The following RNPS1 variants were observed in gnomAD, a reference collection of about 807,000 sequenced individuals.
RNPS1 encodes RNA binding protein with serine rich domain 1, also known as RNA-binding protein with serine-rich domain 1.
For synonymous variants in RNPS1, 147 were observed against 150.0 expected (o/e 0.98, Z 0.15); for missense variants, 300 against 427.6 (o/e 0.70, Z 2.63).
At chr16:2,263,812 A>G (rs1475601261) in intron 3 of RNPS1, 3 of 280,700 alleles carry the variant, frequency 1.1e-5, no homozygotes, top group East Asian at 1.9e-4. Flanking sequence ...CCTGGGCTCA[A>G]GCCATCCTCT....
chr16:2,261,828 T>A (rs769445277), intron 6 of RNPS1, among the ~76,000 whole-genome samples: 1 of 152,200 alleles, frequency 6.6e-6, no homozygotes, highest in African/African-American at 2.4e-5. Flanking sequence ...ACCCCAGCAC[T>A]CACAGCCATT....
chr16:2,261,780 A>T (rs2093604000), intron 6 of RNPS1, among the ~76,000 whole-genome samples: 1 of 152,176 alleles, frequency 6.6e-6, no homozygotes, highest in Non-Finnish European at 1.5e-5. Context: ...AACTCCCCAA[A>T]CTGCTGTGAT....
intron 6 of RNPS1, chr16:2,257,778 G>A (rs1445060498): frequency 6.6e-6 from 1 of 152,218 alleles, no homozygotes; most frequent in East Asian, 1.9e-4. Context: ...AAATATCAAG[G>A]AAACTTTCCT....
intron 1 of RNPS1, chr16:2,267,754 A>G (rs977883127): frequency 2.1e-4 from 273 of 1,317,440 alleles, no homozygotes; most frequent in Middle Eastern, 5.7e-4. Context: ...GAGGGCCCCA[A>G]GGGCGGAGGC....
At chr16:2,261,685 T>C (rs2093603655) in intron 6 of RNPS1, among the ~76,000 whole-genome samples, 1 of 152,188 alleles carries the variant, frequency 6.6e-6, no homozygotes, top group South Asian at 2.1e-4. Context: ...AAGTTTAGCT[T>C]AGGCCTTTCC....
chr16:2,262,909 G>C, intron 4 of RNPS1, 67 bp from the exon 5 acceptor site: 1 of 1,433,580 alleles, frequency 7.0e-7, no homozygotes, highest in South Asian at 1.2e-5. Context: ...CGCCTTTCGA[G>C]TAAGCTCTTA....
intron 7 of RNPS1, among the ~76,000 whole-genome samples, chr16:2,254,450 C>A (rs546961734): frequency 6.6e-6 from 1 of 152,146 alleles, no homozygotes; most frequent in East Asian, 1.9e-4. Flanking sequence ...CACGCCACCA[C>A]GCACAGCTAA....
At position 2,268,047 on chromosome 16, in the gene RNPS1, C is replaced by T. The variant is rs1304135947; in HGVS notation, c.-118+8G>A. Reference sequence around the variant, plus strand: ...ACACGGATGCAGTCGGATTCCGCCCCAACTTACATCTTCCCGCCGCCGCCA... The same window carrying T: ...ACACGGATGCAGTCGGATTCCGCCCTAACTTACATCTTCCCGCCGCCGCCA... On this transcript the variant is annotated splice_region_variant and intron_variant, in intron 1 of 7. Coordinates refer to ENST00000320225, the MANE Select transcript of RNPS1 (RefSeq NM_080594.4). 4.6e-6 allele frequency: 7 copies of T among 1,534,554 alleles called. No individual in the cohort carries two copies. The highest frequency in any genetic ancestry group is 3.9e-5 in the Admixed American group (2 of 51,002).
At chr16:2,267,351 C>A in intron 1 of RNPS1, 1 of 984,372 alleles carries the variant, frequency 1.0e-6, no homozygotes. Flanking sequence ...ACAGTTCATG[C>A]GGAATCAAGA....
chr16:2,263,301 G>T lies in RNPS1; in HGVS notation c.228-14C>A. 3 of 1,613,714 alleles carry T rather than the reference G, an allele frequency of 1.9e-6. No homozygotes were observed. The highest frequency in any genetic ancestry group is 2.5e-6 in the Non-Finnish European group (3 of 1,179,816). ...CTGGACCGAGACCTGAGGGCAAGAT[G>T]AGGGGTCACAACCACCACACACCAA... On this transcript the variant is annotated splice_polypyrimidine_tract_variant and intron_variant, in intron 3 of 7. Coordinates refer to ENST00000320225, the MANE Select transcript of RNPS1 (RefSeq NM_080594.4).
At chr16:2,263,675 T>C (rs866177649) in intron 3 of RNPS1, among the ~76,000 whole-genome samples, 3 of 152,138 alleles carry the variant, frequency 2.0e-5, no homozygotes, top group African/African-American at 4.8e-5. Flanking sequence ...TGCAGTGGCA[T>C]GATCTCCGCA....
rs2093575220 is a variant in RNPS1 at position 2,255,736 on chromosome 16, A to G, written c.677-10T>C. On this transcript the variant is annotated splice_polypyrimidine_tract_variant and intron_variant, in intron 6 of 7. Transcript: ENST00000320225. Reference sequence around the variant, plus strand: ...TGGCCATCAATTTGTCCTGTTGAAAAAGACAGCAAGTCATAAAATATCTAA... The same window carrying G: ...TGGCCATCAATTTGTCCTGTTGAAAGAGACAGCAAGTCATAAAATATCTAA... 1 of 1,613,448 alleles carries G rather than the reference A, an allele frequency of 6.2e-7. No homozygotes were observed. Among genetic ancestry groups the G allele is most frequent in the Non-Finnish European group, 8.5e-7 (1 of 1,179,842 alleles).
intron 6 of RNPS1, among the ~76,000 whole-genome samples, chr16:2,260,054 A>G (rs572925314): frequency 3.3e-5 from 5 of 152,158 alleles, no homozygotes; most frequent in Admixed American, 2.0e-4. Flanking sequence ...TCAACAATTA[A>G]GTATACGCCT....
At chr16:2,263,676 G>C (rs1022001329) in intron 3 of RNPS1, among the ~76,000 whole-genome samples, 1 of 152,134 alleles carries the variant, frequency 6.6e-6, no homozygotes, top group Non-Finnish European at 1.5e-5. Context: ...GCAGTGGCAT[G>C]ATCTCCGCAC....
intron 1 of RNPS1, chr16:2,267,197 G>C (rs2093628420): frequency 1.0e-6 from 1 of 985,290 alleles, no homozygotes; most frequent in African/African-American, 1.7e-5. Context: ...ACCGGCTCAG[G>C]ACCTCGGTTA....
intron 3 of RNPS1, 36 bp downstream of exon 3, chr16:2,264,140 C>T (rs1420733709): frequency 6.2e-7 from 1 of 1,610,448 alleles, no homozygotes; most frequent in Non-Finnish European, 8.5e-7. Flanking sequence ...AGCTGTGGCA[C>T]AGGTCCTCTC....
At chr16:2,267,545 T>A in intron 1 of RNPS1, 1 of 1,042,738 alleles carries the variant, frequency 9.6e-7, no homozygotes, top group Non-Finnish European at 1.2e-6. Flanking sequence ...CACGTTTGAA[T>A]TAATGACTCC....
At chr16:2,262,667 T>A (rs1425623800) in intron 5 of RNPS1, 73 bp downstream of exon 5, 1 of 1,358,204 alleles carries the variant, frequency 7.4e-7, no homozygotes, top group Non-Finnish European at 1.0e-6. Context: ...AAGGCTACAT[T>A]CTAAGTTCAT....
At chr16:2,262,621 G>A in intron 5 of RNPS1, 119 bp downstream of exon 5, 2 of 1,007,628 alleles carry the variant, frequency 2.0e-6, no homozygotes, top group African/African-American at 1.6e-5. Context: ...AATCAATGCT[G>A]TACTCAAACC....
Sources: allele counts gnomAD v4.1 joint callset (sites outside exome capture counted in the v4.1 genomes callset), GRCh38; gene constraint gnomAD v4.1.1; transcripts MANE v1.5; gene names NCBI Gene and HGNC (gene_info 2026-07-23, HGNC 2026-07-21).